GUCY1A2: variants seen among roughly 807,000 people sequenced by gnomAD.
The protein encoded by GUCY1A2 is guanylate cyclase soluble subunit alpha-2.
Under a neutral mutation model 63.5 loss-of-function variants are expected in GUCY1A2, and 27 were observed. The ratio of observed to expected loss-of-function variants is 0.43; its 90% CI spans 0.31 to 0.59. GUCY1A2 has a LOEUF of 0.59. GUCY1A2 is among the 20% of genes least tolerant of loss of function. The pLI is 0.11. For synonymous variants in GUCY1A2, 364 were observed against 343.5 expected (o/e 1.06, Z -0.66); for missense variants, 768 against 913.3 (o/e 0.84, Z 2.05).
intron 4 of GUCY1A2, among the ~76,000 whole-genome samples, chr11:106,887,978 T>A (rs1859921301): frequency 6.6e-6 from 1 of 152,112 alleles, no homozygotes. Flanking sequence ...CCTACCTAGT[T>A]CTTTACCAGT....
intron 5 of GUCY1A2, among the ~76,000 whole-genome samples, chr11:106,777,401 T>C (rs907791409): frequency 2.7e-5 from 4 of 145,926 alleles, no homozygotes; most frequent in African/African-American, 1.0e-4. Context: ...GAGCCGAGAT[T>C]GCACCACTGC....
chr11:106,950,642 T>A (rs71488234), intron 3 of GUCY1A2, among the ~76,000 whole-genome samples: 6 of 152,196 alleles, frequency 3.9e-5, no homozygotes, highest in Non-Finnish European at 8.8e-5. Flanking sequence ...TTGCTGATGA[T>A]GACTAGCCCT....
chr11:106,860,465 T>C (rs1399098482), intron 4 of GUCY1A2, among the ~76,000 whole-genome samples: 2 of 151,964 alleles, frequency 1.3e-5, no homozygotes, highest in Non-Finnish European at 2.9e-5. Flanking sequence ...TATAGCCCCA[T>C]TGACATCAGG....
chr11:106,687,824 T>G (rs759481418), intron 7 of GUCY1A2, 68 bp from the exon 8 acceptor site: 4 of 1,079,018 alleles, frequency 3.7e-6, no homozygotes, highest in African/African-American at 1.6e-5. Flanking sequence ...GACAGAAATT[T>G]TAAAGGCTCA....
chr11:106,761,563 T>C (rs972795742), intron 6 of GUCY1A2, among the ~76,000 whole-genome samples: 2 of 152,166 alleles, frequency 1.3e-5, no homozygotes, highest in Non-Finnish European at 2.9e-5. Context: ...TAGAGATGGA[T>C]AGAAATATGT....
At chr11:106,999,520 T>A (rs1459740822) in intron 1 of GUCY1A2, among the ~76,000 whole-genome samples, 2 of 152,206 alleles carry the variant, frequency 1.3e-5, no homozygotes, top group African/African-American at 4.8e-5. Context: ...TTTGTGGATT[T>A]ATAATCACAC....
chr11:106,890,703 C>T (rs550320654), intron 4 of GUCY1A2, among the ~76,000 whole-genome samples: 2 of 152,276 alleles, frequency 1.3e-5, no homozygotes, highest in African/African-American at 4.8e-5. Context: ...TCGGATATAA[C>T]TGCAATCTTC....
At chr11:106,881,652 T>C (rs1383472411) in intron 4 of GUCY1A2, among the ~76,000 whole-genome samples, 9 of 152,040 alleles carry the variant, frequency 5.9e-5, no homozygotes, top group Admixed American at 5.9e-4. Flanking sequence ...CTATGCTACA[T>C]TCTTCCTCTT....
chr11:106,952,939 C>T (rs1003792648), intron 3 of GUCY1A2, among the ~76,000 whole-genome samples: 1 of 151,944 alleles, frequency 6.6e-6, no homozygotes, highest in African/African-American at 2.4e-5. Context: ...CGCACCCAGC[C>T]AGGGTTTTCT....
intron 3 of GUCY1A2, among the ~76,000 whole-genome samples, chr11:106,966,371 G>T (rs1428631732): frequency 3.9e-5 from 6 of 152,142 alleles, no homozygotes; most frequent in Non-Finnish European, 8.8e-5. Context: ...GCCTCCCAAA[G>T]TGCTGGGATT....
intron 6 of GUCY1A2, among the ~76,000 whole-genome samples, chr11:106,743,298 G>C (rs189385235): frequency 6.6e-6 from 1 of 152,058 alleles, no homozygotes; most frequent in Non-Finnish European, 1.5e-5. Flanking sequence ...AAAAGGTCAC[G>C]AGTTCTCAGG....
At chr11:107,000,026 C>T (rs1254117998) in intron 1 of GUCY1A2, among the ~76,000 whole-genome samples, 1 of 152,200 alleles carries the variant, frequency 6.6e-6, no homozygotes, top group Non-Finnish European at 1.5e-5. Flanking sequence ...TAGGCAGCAG[C>T]CTCCTCCACC....
intron 4 of GUCY1A2, among the ~76,000 whole-genome samples, chr11:106,843,291 G>A (rs1211882320): frequency 6.6e-6 from 1 of 151,842 alleles, no homozygotes; most frequent in Non-Finnish European, 1.5e-5. Context: ...GGGAAAGGAT[G>A]GGGGTTGGTG....
chr11:106,794,608 T>G (rs1008257325), intron 5 of GUCY1A2, among the ~76,000 whole-genome samples: 1 of 152,088 alleles, frequency 6.6e-6, no homozygotes, highest in Non-Finnish European at 1.5e-5. Flanking sequence ...ATATATCAAA[T>G]TGTCACATTG....
Position 107,017,885 on chromosome 11 carries a change from G to A in GUCY1A2, c.171C>T (p.Ala57=), listed in dbSNP as rs1477288200. ...AAGCAGCCGGGGTCGGGGCCGGGGC[G>A]GCGGCAGCGGCAGCTGCGGCCGGGC... ...EPSPAAAAAA[A]APAPTPAASA... is the part of the protein sequence containing the mutation. Residue 57 remains alanine (A), a synonymous_variant, in exon 1 of 8, where the codon GCC becomes GCT. Transcript: ENST00000526355. 1 of 1,244,740 alleles carries A rather than the reference G, an allele frequency of 8.0e-7. No individual in the cohort carries two copies. Among genetic ancestry groups the A allele is most frequent in the Admixed American group, 4.3e-5 (1 of 23,138 alleles). The allele number at this position is 1,244,740 out of a possible 1,614,324, so 77.1% of individuals were successfully genotyped here. A position where few individuals can be genotyped will look rare whatever the true frequency, so the allele number is the denominator to read the frequency against.
rs1864174086 is a variant in GUCY1A2, at chr11:106,766,916, C to G, written c.1836+9523G>C. 2.0e-5 allele frequency among the ~76,000 whole-genome samples: 3 copies of G among 152,028 alleles called. No homozygotes were observed. The South Asian group carries it at 6.2e-4, about 32-fold the overall frequency. ...GGGTTGATGAAATCACATTTACTGT[C>G]TCTACCAGGGAAAAAATATTGGCAG... On this transcript the variant is annotated intron_variant, in intron 6 of 7. Coordinates refer to ENST00000526355, the MANE Select transcript of GUCY1A2 (RefSeq NM_000855.3).
intron 4 of GUCY1A2, among the ~76,000 whole-genome samples, chr11:106,816,628 A>G (rs1375005882): frequency 6.6e-6 from 1 of 151,750 alleles, no homozygotes; most frequent in African/African-American, 2.4e-5. Flanking sequence ...ATGAAATTAC[A>G]AACAGGAAAA....
chr11:106,816,702 T>G (rs1319073012), intron 4 of GUCY1A2, among the ~76,000 whole-genome samples: 1 of 151,168 alleles, frequency 6.6e-6, no homozygotes, highest in Non-Finnish European at 1.5e-5. Flanking sequence ...ATCAGTAAAG[T>G]CTAGCAACAC....
intron 4 of GUCY1A2, among the ~76,000 whole-genome samples, chr11:106,919,584 G>T (rs1385969305): frequency 1.3e-5 from 2 of 151,936 alleles, no homozygotes; most frequent in East Asian, 1.9e-4. Flanking sequence ...AGACAATAAA[G>T]GCATGTGGAC....
Sources: allele counts gnomAD v4.1 joint callset (sites outside exome capture counted in the v4.1 genomes callset), GRCh38; gene constraint gnomAD v4.1.1; transcripts MANE v1.5; gene names NCBI Gene and HGNC (gene_info 2026-07-23, HGNC 2026-07-21).